The following MAGI1 variants were observed in gnomAD, a reference collection of about 807,000 sequenced individuals.
The protein encoded by MAGI1 is membrane-associated guanylate kinase, WW and PDZ domain-containing protein 1.
Under a neutral mutation model 139.9 loss-of-function variants are expected in MAGI1, and 58 were observed. The ratio of observed to expected loss-of-function variants is 0.41; its 90% CI spans 0.34 to 0.52. The LOEUF is 0.52. Among genes scored for constraint, MAGI1 ranks in the 20% least tolerant of loss-of-function variants. The pLI is 0.12. For synonymous variants in MAGI1, 812 were observed against 737.9 expected (o/e 1.10, Z -1.63); for missense variants, 1,874 against 1,901.6 (o/e 0.99, Z 0.27).
intron 12 of MAGI1, among the ~76,000 whole-genome samples, chr3:65,417,533 G>A (rs1245776142): frequency 6.7e-6 from 1 of 149,668 alleles, no homozygotes; most frequent in Non-Finnish European, 1.5e-5. Flanking sequence ...TTTTTTTAAA[G>A]CATAAATTAA....
At chr3:65,606,660 G>A (rs981140697) in intron 2 of MAGI1, among the ~76,000 whole-genome samples, 3 of 152,096 alleles carry the variant, frequency 2.0e-5, no homozygotes, top group African/African-American at 7.2e-5. Context: ...TGGAATTACA[G>A]GCACCCACAA....
chr3:66,013,190 G>C (rs1309980865), intron 1 of MAGI1, among the ~76,000 whole-genome samples: 1 of 150,870 alleles, frequency 6.6e-6, no homozygotes, highest in Non-Finnish European at 1.5e-5. Flanking sequence ...GATTACCTGA[G>C]GTCAGGAGTT....
In MAGI1 at chr3:65,527,401, G is replaced by A. The variant is rs138945093; in HGVS notation, c.431-33770C>T. Among the ~76,000 whole-genome samples the A allele has an allele frequency of 7.0e-4, 107 of 152,214 alleles. No homozygotes were observed. The Middle Eastern group carries it at 0.014, about 19-fold the overall frequency. ...TGGAGACCAACCTGGCCAATATGGT[G>A]AAACCCCATCTCTACTGAAAATATA... On this transcript the variant is annotated intron_variant, in intron 2 of 22. Coordinates refer to ENST00000402939, the MANE Select transcript of MAGI1 (RefSeq NM_001033057.2).
chr3:65,624,160 A>C (rs2083837247), intron 1 of MAGI1, among the ~76,000 whole-genome samples: 2 of 152,214 alleles, frequency 1.3e-5, no homozygotes, highest in East Asian at 3.8e-4. Flanking sequence ...CAGGAACTCA[A>C]ATATACTGTT....
In MAGI1 at chr3:65,943,737, T is replaced by C. The variant is rs544233858; in HGVS notation, c.313+94259A>G. ...TACAGTCACTAATCTTGTCCTACAA[T>C]TTGAAAAACACTGCTTTAGATGAGT... On this transcript the variant is annotated intron_variant, in intron 1 of 22. Coordinates refer to ENST00000402939, the MANE Select transcript of MAGI1 (RefSeq NM_001033057.2). 9.5e-4 allele frequency among the ~76,000 whole-genome samples: 144 copies of C among 152,288 alleles called. 3 individuals are homozygous for C. In the South Asian group the frequency reaches 0.015, roughly 16 times the overall value.
At chr3:65,843,241 A>T (rs763184341) in intron 1 of MAGI1, among the ~76,000 whole-genome samples, 1 of 152,150 alleles carries the variant, frequency 6.6e-6, no homozygotes, top group Non-Finnish European at 1.5e-5. Flanking sequence ...TCCACATGCC[A>T]TATTATGTGG....
intron 1 of MAGI1, among the ~76,000 whole-genome samples, chr3:66,014,302 CT>C (rs1471628290): frequency 6.6e-6 from 1 of 152,112 alleles, no homozygotes; most frequent in Admixed American, 6.6e-5. Flanking sequence ...TGTTCCAGAT[CT>C]TTTTTTATTT....
At chr3:65,827,897 T>C (rs944765583) in intron 1 of MAGI1, among the ~76,000 whole-genome samples, 2 of 152,216 alleles carry the variant, frequency 1.3e-5, no homozygotes, top group Non-Finnish European at 2.9e-5. Flanking sequence ...TTTAATGTTA[T>C]ATGTAAAATT....
At chr3:65,684,258 T>C (rs1576718724) in intron 1 of MAGI1, among the ~76,000 whole-genome samples, 1 of 146,492 alleles carries the variant, frequency 6.8e-6, no homozygotes, top group Admixed American at 6.8e-5. Context: ...AAAAGGAAAA[T>C]TTAAATTAAA....
At chr3:65,720,753 T>G (rs28541292) in intron 1 of MAGI1, among the ~76,000 whole-genome samples, 1 of 152,072 alleles carries the variant, frequency 6.6e-6, no homozygotes, top group African/African-American at 2.4e-5. Context: ...TGTTTTATTT[T>G]TTTGTTTTGT....
intron 2 of MAGI1, chr3:65,598,010 A>C: frequency 2.3e-6 from 1 of 430,066 alleles, no homozygotes; most frequent in South Asian, 1.7e-5. Context: ...TCGAGGGAAG[A>C]GGTGCTGGCA....
intron 2 of MAGI1, among the ~76,000 whole-genome samples, chr3:65,502,827 T>C (rs1354956799): frequency 6.6e-6 from 1 of 151,818 alleles, no homozygotes; most frequent in African/African-American, 2.4e-5. Context: ...AATTCCAATG[T>C]GAAAAGAAAA....
chr3:65,888,858 T>G (rs2060630446), intron 1 of MAGI1, among the ~76,000 whole-genome samples: 1 of 152,130 alleles, frequency 6.6e-6, no homozygotes, highest in South Asian at 2.1e-4. Flanking sequence ...GGTTTGGGAT[T>G]CTACAGGTAC....
rs565895356 is a variant in MAGI1 at position 65,774,142 on chromosome 3, T to G, written c.314-152054A>C. Among the ~76,000 whole-genome samples, 9 of 152,146 alleles carry G rather than the reference T, an allele frequency of 5.9e-5. No individual in the cohort carries two copies. The South Asian group carries it at 1.9e-3, about 32-fold the overall frequency. On this transcript the variant is annotated intron_variant, in intron 1 of 22. Coordinates refer to ENST00000402939, the MANE Select transcript of MAGI1 (RefSeq NM_001033057.2). ...AAAAATTAATTGCTAACAATAAGGT[T>G]TTGTTCTAACATTGGGTGAAACTTT...
At chr3:65,772,252 C>T (rs1262945524) in intron 1 of MAGI1, among the ~76,000 whole-genome samples, 1 of 152,208 alleles carries the variant, frequency 6.6e-6, no homozygotes, top group Non-Finnish European at 1.5e-5. Flanking sequence ...CCAATCCCTT[C>T]CTTGTAGGGG....
chr3:65,371,950 T>C (rs1020495954), intron 18 of MAGI1: 2 of 437,110 alleles, frequency 4.6e-6, no homozygotes, highest in Non-Finnish European at 9.1e-6. Flanking sequence ...TCCACTGAAG[T>C]CTCGAAACCC....
chr3:65,789,472 A>G (rs1559884541), intron 1 of MAGI1, among the ~76,000 whole-genome samples: 2 of 152,342 alleles, frequency 1.3e-5, no homozygotes, highest in East Asian at 3.9e-4. Flanking sequence ...GCTTGGCTAT[A>G]AGGCCCCTCA....
intron 1 of MAGI1, among the ~76,000 whole-genome samples, chr3:66,022,634 C>G (rs1479920013): frequency 6.6e-6 from 1 of 152,126 alleles, no homozygotes; most frequent in East Asian, 1.9e-4. Flanking sequence ...TGCCTAAACT[C>G]AAGATTCAAA....
Position 65,908,587 on chromosome 3 carries a change from CCTT to C in MAGI1, c.313+129406_313+129408del, listed in dbSNP as rs1413050874. 8.0e-4 allele frequency among the ~76,000 whole-genome samples: 122 copies of C among 152,320 alleles called. 2 individuals are homozygous for C. Among genetic ancestry groups the C allele is most frequent in the Non-Finnish European group, 1.5e-4 (10 of 68,040 alleles). On this transcript the variant is annotated intron_variant, in intron 1 of 22. Transcript: ENST00000402939. The stretch of plus-strand genomic sequence containing the variant: ...GCGTGAGCCACTGCACCCGGCCAAT[CCTT>C]ATTATTTCCGAATGAAACAACTTTT...
Sources: gnomAD v4.1 joint callset for allele counts (sites outside exome capture counted in the v4.1 genomes callset) on GRCh38, gnomAD v4.1.1 for gene constraint, MANE v1.5 for transcripts, NCBI Gene and HGNC (gene_info 2026-07-23, HGNC 2026-07-21) for gene names.